Variants in TEX11 observed in about 807,000 individuals in gnomAD.
The protein encoded by TEX11 is testis expressed 11, also known as testis-expressed protein 11.
In TEX11, 7 loss-of-function variants were observed where a neutral mutation model predicts 84.4. The observed-to-expected ratio is 0.08, with a 90% CI of 0.05 to 0.16. The LOEUF (loss-of-function observed/expected upper bound fraction) is 0.16. Ranked by LOEUF, TEX11 falls within the 10% of genes least tolerant of loss-of-function variation. TEX11 has a pLI of 1.00. For synonymous variants in TEX11, 264 were observed against 222.8 expected (o/e 1.18, Z -1.64); for missense variants, 551 against 660.5 (o/e 0.83, Z 1.82).
chrX:70,608,740 CAA>C (rs61517512), intron 22 of TEX11, among the ~76,000 whole-genome samples: 6,238 of 66,872 alleles, frequency 0.093, 309 homozygotes, highest in Admixed American at 0.28. Context: ...GACTCCATCT[CAA>C]AAAAAAAAAA....
At chrX:70,711,651 G>A (rs918912060) in intron 13 of TEX11, among the ~76,000 whole-genome samples, 4 of 111,552 alleles carry the variant, frequency 3.6e-5, no homozygotes, top group African/African-American at 1.3e-4. Context: ...TTTTTTTCTT[G>A]TAAATTTGTT....
intron 22 of TEX11, among the ~76,000 whole-genome samples, chrX:70,607,436 AAAAACAAACC>A (rs2089207432): frequency 9.0e-6 from 1 of 111,252 alleles, no homozygotes; most frequent in African/African-American, 3.3e-5. Context: ...AAAAAAATTA[AAAAACAAACC>A]AAAACAAAAC....
intron 2 of TEX11, among the ~76,000 whole-genome samples, chrX:70,897,039 A>G (rs2091769554): frequency 9.5e-6 from 1 of 104,781 alleles, no homozygotes; most frequent in African/African-American, 3.5e-5. Context: ...GGCTGAGGCA[A>G]GAGGATCGCT....
intron 28 of TEX11, among the ~76,000 whole-genome samples, chrX:70,542,004 T>C (rs903992658): frequency 9.0e-6 from 1 of 111,265 alleles, no homozygotes; most frequent in Non-Finnish European, 1.9e-5. Context: ...GAGCTTCTCC[T>C]TTAAACTAAA....
At chrX:70,831,820 G>T (rs879106866) in intron 8 of TEX11, among the ~76,000 whole-genome samples, 1 of 111,066 alleles carries the variant, frequency 9.0e-6, no homozygotes, top group Admixed American at 9.7e-5. Flanking sequence ...ATATAAATTG[G>T]CTTGATTGTG....
chrX:70,710,797 T>C (rs1171741334), intron 13 of TEX11, among the ~76,000 whole-genome samples: 1 of 111,194 alleles, frequency 9.0e-6, no homozygotes, highest in Non-Finnish European at 1.9e-5. Context: ...GCAAATTAAT[T>C]TTTTTTATAC....
chrX:70,534,977 C>G (rs2087937662), intron 28 of TEX11, among the ~76,000 whole-genome samples: 1 of 110,935 alleles, frequency 9.0e-6, no homozygotes, highest in African/African-American at 3.3e-5. Flanking sequence ...AACCTGCCCC[C>G]CTACCCCACT....
At chrX:70,710,248 C>G (rs2090415635) in intron 13 of TEX11, among the ~76,000 whole-genome samples, 1 of 111,433 alleles carries the variant, frequency 9.0e-6, no homozygotes. Flanking sequence ...AAACTAAAAG[C>G]AGATTGTTAG....
chrX:70,853,438 C>T (rs750323957), intron 5 of TEX11, 110 bp from the exon 6 acceptor site: 4 of 528,071 alleles, frequency 7.6e-6, no homozygotes, highest in East Asian at 7.3e-5. Flanking sequence ...AGTCTTATAA[C>T]TCACAGAAAA....
At chrX:70,892,541 G>A (rs1876394049) in intron 2 of TEX11, among the ~76,000 whole-genome samples, 1 of 110,570 alleles carries the variant, frequency 9.0e-6, no homozygotes, top group South Asian at 3.8e-4. Context: ...AAGACCAGCT[G>A]GGCCAACATA....
At chrX:70,868,158 A>G (rs767858526) in intron 4 of TEX11, among the ~76,000 whole-genome samples, 1 of 112,075 alleles carries the variant, frequency 8.9e-6, no homozygotes, top group African/African-American at 3.2e-5. Context: ...AGAATCTACA[A>G]GGAACTTAAA....
Position 70,624,910 on chromosome X carries a change from A to C in TEX11, c.1623T>G (p.Ile541Met). The change falls in exon 19 of 30, where the codon ATT becomes ATG. Residue 541 changes from isoleucine to methionine, a missense_variant. Ile to Met is a conservative substitution (Grantham distance 10). Transcript: ENST00000374333. ...AQFALENGQQ[I>M]VAEKALEYLA... ...AATATTCCAAAGCTTTTTCTGCCAC[A>C]ATTTGTTGTCCATTCTAAAAAGAAC... 8.3e-7 allele frequency: 1 copy of C among 1,205,612 alleles called. No individual in the cohort carries two copies. The highest frequency in any genetic ancestry group is 1.1e-6 in the Non-Finnish European group (1 of 891,236).
Position 70,577,735 on chromosome X carries a change from C to CT in TEX11, c.2140+14015dup, listed in dbSNP as rs111944315. 2.4e-3 allele frequency among the ~76,000 whole-genome samples: 237 copies of CT among 98,110 alleles called. 4 individuals carry two copies. The highest frequency in any genetic ancestry group is 3.0e-3 in the Non-Finnish European group (145 of 47,554). 85.2% of individuals were successfully genotyped at this position (98,110 alleles called of 115,157 possible). A position where few individuals can be genotyped will look rare whatever the true frequency, so the allele number is the denominator to read the frequency against. On this transcript the variant is annotated intron_variant, in intron 25 of 29. Transcript: ENST00000374333. Reference sequence around the variant, plus strand: ...ATTCCTAAGAGAGTCATGATTATATCTTTTTTTTTTTTTGAGACAGTCTCA... The same window carrying CT: ...ATTCCTAAGAGAGTCATGATTATATCTTTTTTTTTTTTTTGAGACAGTCTCA...
intron 8 of TEX11, among the ~76,000 whole-genome samples, chrX:70,830,741 G>C (rs747258460): frequency 1.2e-3 from 132 of 111,542 alleles, no homozygotes; most frequent in African/African-American, 4.1e-3. Context: ...TCAGGGAAAT[G>C]CAAATTAAAA....
intron 11 of TEX11, among the ~76,000 whole-genome samples, chrX:70,736,043 C>T (rs1432267382): frequency 9.0e-6 from 1 of 111,102 alleles, no homozygotes; most frequent in African/African-American, 3.3e-5. Context: ...AATATGTTCT[C>T]CCATTCTGTT....
chrX:70,760,418 A>G (rs1304766292), intron 9 of TEX11, among the ~76,000 whole-genome samples: 1 of 111,670 alleles, frequency 9.0e-6, no homozygotes. Flanking sequence ...AAACAGAGAT[A>G]TAGACCAATG....
intron 20 of TEX11, among the ~76,000 whole-genome samples, chrX:70,622,151 C>A (rs763767673): frequency 5.4e-5 from 6 of 111,721 alleles, no homozygotes; most frequent in Non-Finnish European, 9.4e-5. Flanking sequence ...AAAGAAGTTG[C>A]CATTGCCTAC....
At chrX:70,766,450 AAAAG>A (rs2090941235) in intron 9 of TEX11, among the ~76,000 whole-genome samples, 4 of 110,396 alleles carry the variant, frequency 3.6e-5, no homozygotes, top group Admixed American at 9.7e-5. Context: ...CCATCTCAGA[AAAAG>A]AAAGAAAGAA....
In TEX11 at chrX:70,800,293, C is replaced by T. The variant is rs190312326; in HGVS notation, c.692+6412G>A. ...GAGTAAAAAATATAACTATTGGGTA[C>T]TGGGCTTAATACCTGGGTGATGAAA... On this transcript the variant is annotated intron_variant, in intron 9 of 29. Transcript: ENST00000374333. Among the ~76,000 whole-genome samples the T allele has an allele frequency of 7.8e-4, 86 of 110,559 alleles. No homozygotes were observed. The East Asian group carries it at 0.014, about 18-fold the overall frequency.
Sources: allele counts gnomAD v4.1 joint callset (sites outside exome capture counted in the v4.1 genomes callset), GRCh38; gene constraint gnomAD v4.1.1; transcripts MANE v1.5; gene names NCBI Gene and HGNC (gene_info 2026-07-23, HGNC 2026-07-21).